Variants in RNF38 observed in about 807,000 individuals in gnomAD.
The protein encoded by RNF38 is E3 ubiquitin-protein ligase RNF38.
In RNF38, 15 loss-of-function variants were observed where a neutral mutation model predicts 67.2. The ratio of observed to expected loss-of-function variants is 0.22; its 90% CI spans 0.15 to 0.34. RNF38 has a LOEUF of 0.34. RNF38 is among the 10% of genes least tolerant of loss of function. RNF38 has a pLI of 1.00. For missense variants in RNF38, 524 were observed against 639.9 expected, an observed-to-expected ratio of 0.82 and a Z score of 1.95; for synonymous variants, 220 against 218.8, an observed-to-expected ratio of 1.01 and a Z score of -0.05.
At chr9:36,461,447 T>C (rs1255293177) in intron 1 of RNF38, among the ~76,000 whole-genome samples, 1 of 152,204 alleles carries the variant, frequency 6.6e-6, no homozygotes, top group African/African-American at 2.4e-5. Context: ...AAGAGTGTTC[T>C]ATGCAGAGAA....
intron 2 of RNF38, among the ~76,000 whole-genome samples, chr9:36,390,052 C>G (rs970708743): frequency 2.0e-5 from 3 of 152,038 alleles, no homozygotes; most frequent in African/African-American, 7.3e-5. Flanking sequence ...GACAAGTAAC[C>G]ATGTTTTCTC....
chr9:36,364,317 C>T (rs956904253), intron 4 of RNF38, among the ~76,000 whole-genome samples: 18 of 152,174 alleles, frequency 1.2e-4, no homozygotes, highest in African/African-American at 4.3e-4. Context: ...TATAAGAATA[C>T]AGTATATAAT....
At chr9:36,410,301 C>A (rs1332229580) in intron 2 of RNF38, among the ~76,000 whole-genome samples, 1 of 152,192 alleles carries the variant, frequency 6.6e-6, no homozygotes, top group African/African-American at 2.4e-5. Context: ...AAGAACATAT[C>A]ACAATAGATT....
chr9:36,347,139 G>T (rs866584603), intron 9 of RNF38, among the ~76,000 whole-genome samples: 671 of 40,984 alleles, frequency 0.016, 45 homozygotes, highest in Middle Eastern at 0.093. Flanking sequence ...GGGGGGGGGG[G>T]GGGGGGGGGG....
At chr9:36,487,591 G>C (rs1486110388), upstream of RNF38, 1 of 980,274 alleles carries the variant, frequency 1.0e-6, no homozygotes, top group African/African-American at 1.8e-5. Context: ...CTCCGGCTGC[G>C]ACTCGACTCC....
upstream of RNF38, chr9:36,401,232 G>A (rs1348530759): frequency 6.3e-5 from 62 of 983,838 alleles, no homozygotes; most frequent in Non-Finnish European, 7.2e-5. Context: ...GCTGCGCGCG[G>A]CCCGGCGCAC....
intron 6 of RNF38, among the ~76,000 whole-genome samples, chr9:36,355,880 T>G (rs1205212494): frequency 6.6e-6 from 1 of 152,164 alleles, no homozygotes; most frequent in Non-Finnish European, 1.5e-5. Flanking sequence ...AGAGTCTCAC[T>G]CTGTCGCCCA....
At chr9:36,445,004 G>A (rs1462796647) in intron 1 of RNF38, among the ~76,000 whole-genome samples, 1 of 142,862 alleles carries the variant, frequency 7.0e-6, no homozygotes, top group Non-Finnish European at 1.5e-5. Flanking sequence ...AACAAATCCT[G>A]CATAAACTAC....
intron 6 of RNF38, among the ~76,000 whole-genome samples, chr9:36,354,233 C>A (rs987631146): frequency 6.6e-6 from 1 of 152,172 alleles, no homozygotes; most frequent in African/African-American, 2.4e-5. Flanking sequence ...GCTCTTCTTG[C>A]CCAGGCTGGA....
chr9:36,423,528 G>A (rs1038768249), intron 2 of RNF38, among the ~76,000 whole-genome samples: 5 of 152,148 alleles, frequency 3.3e-5, no homozygotes, highest in Non-Finnish European at 4.4e-5. Context: ...TGGGAGGGAA[G>A]CCACTAGAAA....
chr9:36,452,304 C>T (rs1839470114), intron 1 of RNF38, among the ~76,000 whole-genome samples: 1 of 152,110 alleles, frequency 6.6e-6, no homozygotes, highest in South Asian at 2.1e-4. Context: ...AATTCTAGAA[C>T]ATTTTCATCA....
chr9:36,397,032 C>T (rs930757172), intron 1 of RNF38, among the ~76,000 whole-genome samples: 1 of 142,928 alleles, frequency 7.0e-6, no homozygotes, highest in Admixed American at 6.9e-5. Flanking sequence ...TGTGTATATA[C>T]GTATATACGT....
chr9:36,384,384 C>T (rs1836438642), intron 2 of RNF38, among the ~76,000 whole-genome samples: 1 of 152,120 alleles, frequency 6.6e-6, no homozygotes, highest in African/African-American at 2.4e-5. Context: ...TGTTGATATA[C>T]AGATCATCAT....
At position 36,352,753 on chromosome 9, in the gene RNF38, C is replaced by A. The variant is rs1227155870; in HGVS notation, c.1167G>T (p.Leu389=). ...IPPPPYHPSL[L]PYVLSMLPVP... ...AAGAAAGAACTTACAACACATATGG[C>A]AGTAAGCTGGGATGATAAGGGGGAG... Residue 389 remains leucine, a synonymous_variant, in exon 8 of 12, where the codon CTG becomes CTT. Coordinates refer to ENST00000259605, the MANE Select transcript of RNF38 (RefSeq NM_022781.5). The A allele has an allele frequency of 5.6e-6, 9 of 1,609,078 alleles. No individual in the cohort carries two copies. Among genetic ancestry groups the A allele is most frequent in the African/African-American group, 1.3e-5 (1 of 74,806 alleles).
In RNF38 at chr9:36,393,477, T is replaced by TTGTGTGTGTGTGTGTG. The variant is rs58913703; in HGVS notation, c.13-2877_13-2862dup. Among the ~76,000 whole-genome samples the TTGTGTGTGTGTGTGTG allele has an allele frequency of 2.6e-3, 230 of 87,774 alleles. 1 individual carries two copies. Among genetic ancestry groups the TTGTGTGTGTGTGTGTG allele is most frequent in the Non-Finnish European group, 3.5e-3 (138 of 39,636 alleles). The allele number at this position is 87,774 out of a possible 152,430, so 57.6% of individuals were successfully genotyped here. On this transcript the variant is annotated intron_variant, in intron 1 of 11. Coordinates refer to ENST00000259605, the MANE Select transcript of RNF38 (RefSeq NM_022781.5). Reference sequence around the variant, plus strand: ...GGTAAAATAAAATCACACACACACATTGTGTGTGTGTGTGTGTGTGTGTGT... The same window carrying TTGTGTGTGTGTGTGTG: ...GGTAAAATAAAATCACACACACACATTGTGTGTGTGTGTGTGTGTGTGTGTGTGTGTGTGTGTGTGT...
chr9:36,382,348 T>C (rs546080992), intron 2 of RNF38, among the ~76,000 whole-genome samples: 127 of 152,300 alleles, frequency 8.3e-4, no homozygotes, highest in Admixed American at 8.5e-4. Flanking sequence ...GGTTTTATGC[T>C]TAGCATTAAA....
chr9:36,376,413 T>C (rs998014395), intron 2 of RNF38, among the ~76,000 whole-genome samples: 2 of 152,148 alleles, frequency 1.3e-5, no homozygotes, highest in East Asian at 1.9e-4. Flanking sequence ...TAAAACAGCA[T>C]AATAAAACTT....
intron 2 of RNF38, among the ~76,000 whole-genome samples, chr9:36,423,467 A>T (rs564709826): frequency 5.3e-5 from 8 of 152,344 alleles, no homozygotes; most frequent in African/African-American, 1.9e-4. Context: ...ATTGGTCTGC[A>T]CTGGAAACTA....
At chr9:36,466,605 A>C (rs541913777) in intron 1 of RNF38, among the ~76,000 whole-genome samples, 2 of 152,224 alleles carry the variant, frequency 1.3e-5, no homozygotes, top group African/African-American at 4.8e-5. Context: ...GTTTCAAAAA[A>C]TAAATTTATA....
Sources: gnomAD v4.1 joint callset for allele counts (sites outside exome capture counted in the v4.1 genomes callset) on GRCh38, gnomAD v4.1.1 for gene constraint, MANE v1.5 for transcripts, NCBI Gene and HGNC (gene_info 2026-07-23, HGNC 2026-07-21) for gene names.